MARK3: variants seen among roughly 807,000 people sequenced by gnomAD.
MARK3 encodes microtubule affinity regulating kinase 3.
Under a neutral mutation model 90.1 loss-of-function variants are expected in MARK3, and 46 were observed. The observed-to-expected ratio is 0.51, with a 90% CI of 0.40 to 0.65. The LOEUF is 0.65. Among genes scored for constraint, MARK3 ranks in the 30% least tolerant of loss-of-function variants. The pLI, the probability that MARK3 is intolerant of heterozygous loss-of-function variation, is 0.00. For synonymous variants in MARK3, 321 were observed against 332.6 expected, an observed-to-expected ratio of 0.97 and a Z score of 0.38; for missense variants, 818 against 947.2, an observed-to-expected ratio of 0.86 and a Z score of 1.79.
At chr14:103,439,910 A>G (rs2092809112) in intron 3 of MARK3, among the ~76,000 whole-genome samples, 2 of 148,432 alleles carry the variant, frequency 1.3e-5, no homozygotes, top group African/African-American at 5.0e-5. Flanking sequence ...TCAGCTTCCA[A>G]AGTATCTGGG....
Position 103,468,137 on chromosome 14 carries a change from G to T in MARK3, c.1215G>T (p.Val405=), listed in dbSNP as rs750617665. 3.8e-5 allele frequency: 61 copies of T among 1,613,784 alleles called. No individual in the cohort carries two copies. The highest frequency in any genetic ancestry group is 5.2e-5 in the Non-Finnish European group (61 of 1,179,964). ...NSTGQSPHHK[V]QRSVSSSQKQ... The stretch of plus-strand genomic sequence containing the variant: ...CTGGCCAGTCTCCTCACCACAAAGT[G>T]CAGAGAAGTGTTTCTTCAAGCCAAA... Residue 405 remains valine (V), a synonymous_variant, in exon 12 of 18, where the codon GTG becomes GTT. Coordinates refer to ENST00000429436, the MANE Select transcript of MARK3 (RefSeq NM_001128918.3).
chr14:103,491,092 A>T (rs766518510), intron 14 of MARK3: 1 of 1,275,426 alleles, frequency 7.8e-7, no homozygotes, highest in Non-Finnish European at 1.0e-6. Flanking sequence ...AGTGAAGGAG[A>T]TAACTTCAAG....
Position 103,503,185 on chromosome 14 carries a change from C to T in MARK3, c.2220C>T (p.Phe740=). Reference sequence around the variant, plus strand: ...GGATATCGGGGACATCCATAGCCTTCAAAAATATTGCTTCCAAAATTGCCA... The same window carrying T: ...GGATATCGGGGACATCCATAGCCTTTAAAAATATTGCTTCCAAAATTGCCA... ...FKRISGTSIA[F]KNIASKIANE... The change falls in exon 18 of 18, where the codon TTC becomes TTT. Residue 740 remains phenylalanine (F), a synonymous_variant. Transcript: ENST00000429436. 1 of 1,611,968 alleles carries T rather than the reference C, an allele frequency of 6.2e-7. No individual in the cohort carries two copies. The highest frequency in any genetic ancestry group is 2.2e-5 in the East Asian group (1 of 44,820).
At chr14:103,416,229 C>T (rs193057275) in intron 2 of MARK3, among the ~76,000 whole-genome samples, 5 of 152,122 alleles carry the variant, frequency 3.3e-5, no homozygotes, top group Non-Finnish European at 5.9e-5. Flanking sequence ...AAGAGAGAAT[C>T]GGTGAGTATA....
chr14:103,492,000 C>T lies in MARK3; in HGVS notation c.1810C>T (p.Leu604Phe). Residue 604 changes from leucine to phenylalanine, a missense_variant, in exon 15 of 18, where the codon CTC becomes TTC. Leu to Phe is a conservative substitution (Grantham distance 22). This residue lies in a region of MARK3 where 560 missense variants were observed against 613.5 expected (regional missense o/e 0.91). Transcript: ENST00000429436. Reference sequence around the variant, plus strand: ...GACTCGAAGCCGAGGCTCCACTAATCTCTTTAGTAAATTAACTTCAAAACT... The same window carrying T: ...GACTCGAAGCCGAGGCTCCACTAATTTCTTTAGTAAATTAACTTCAAAACT... ...SQTRSRGSTN[L>F]FSKLTSKLTR... is the part of the protein sequence containing the mutation. 6.2e-7 allele frequency: 1 copy of T among 1,614,210 alleles called. No homozygotes were observed. Among genetic ancestry groups the T allele is most frequent in the Non-Finnish European group, 8.5e-7 (1 of 1,180,034 alleles).
chr14:103,494,544 CAAAAAAA>C (rs35133138), intron 15 of MARK3, among the ~76,000 whole-genome samples: 1 of 84,622 alleles, frequency 1.2e-5, no homozygotes, highest in Admixed American at 1.5e-4. Flanking sequence ...AACTCTGTCT[CAAAAAAA>C]AAAAAAAAAA....
At chr14:103,411,269 G>A (rs551201707) in intron 2 of MARK3, among the ~76,000 whole-genome samples, 1 of 152,246 alleles carries the variant, frequency 6.6e-6, no homozygotes, top group African/African-American at 2.4e-5. Context: ...GTGAGACTCC[G>A]TCTCGAAAAA....
At chr14:103,494,058 A>G (rs1255646052) in intron 15 of MARK3, among the ~76,000 whole-genome samples, 1 of 149,788 alleles carries the variant, frequency 6.7e-6, no homozygotes, top group Non-Finnish European at 1.5e-5. Context: ...ACATGGCAAA[A>G]CCCCATCTCT....
In MARK3 at chr14:103,503,029, C is replaced by A. The variant is rs543183742; in HGVS notation, c.2064C>A (p.Cys688Ter). Residue 688 changes from cysteine to a stop codon, truncating the protein, a stop_gained, in exon 18 of 18, where the codon TGC becomes TGA. Coordinates refer to ENST00000429436, the MANE Select transcript of MARK3 (RefSeq NM_001128918.3). LOFTEE classifies it high-confidence loss of function. ...GCAAAGTGTTGGACGCCAATAACTGCGACTATGAGCAGAGGGAGCGCTTCT... is the reference window on the plus strand; with the variant it reads ...GCAAAGTGTTGGACGCCAATAACTGAGACTATGAGCAGAGGGAGCGCTTCT... ...EIRKVLDANN[C>*]DYEQRERFLL... is the part of the protein sequence containing the mutation. 1 of 1,614,106 alleles carries A rather than the reference C, an allele frequency of 6.2e-7. No individual in the cohort carries two copies. Among genetic ancestry groups the A allele is most frequent in the African/African-American group, 1.3e-5 (1 of 74,918 alleles).
chr14:103,423,198 G>GTTTTTTTTTTTT (rs1418393541), intron 2 of MARK3, among the ~76,000 whole-genome samples: 31 of 8,342 alleles, frequency 3.7e-3, no homozygotes, highest in East Asian at 0.015. Flanking sequence ...AGGACTTGCA[G>GTTTTTTTTTTTT]TCTTTTTTTT....
intron 3 of MARK3, among the ~76,000 whole-genome samples, chr14:103,435,993 T>C (rs914177636): frequency 1.3e-5 from 2 of 151,318 alleles, no homozygotes; most frequent in African/African-American, 4.9e-5. Flanking sequence ...CGAGTTCAAG[T>C]GATTCTCCTG....
chr14:103,467,211 G>A lies in MARK3; in HGVS notation c.1110+20G>A, dbSNP rs182204530. The A allele has an allele frequency of 5.1e-6, 6 of 1,168,558 alleles. No individual in the cohort carries two copies. Among genetic ancestry groups the A allele is most frequent in the East Asian group, 2.4e-5 (1 of 41,948 alleles). 72.4% of individuals were successfully genotyped at this position (1,168,558 alleles called of 1,614,324 possible). ...TCAGAGGTAAGAGTAATCAGAAAGA[G>A]CTGAAATACCCTGTATGTAATTATT... On this transcript the variant is annotated intron_variant, in intron 11 of 17. Transcript: ENST00000429436.
At chr14:103,427,272 G>A (rs978033242) in intron 2 of MARK3, among the ~76,000 whole-genome samples, 2 of 151,562 alleles carry the variant, frequency 1.3e-5, no homozygotes, top group African/African-American at 4.8e-5. Flanking sequence ...GGCCGAGGCA[G>A]GTGGATCACC....
intron 13 of MARK3, among the ~76,000 whole-genome samples, chr14:103,478,574 C>A (rs1378690910): frequency 6.8e-6 from 1 of 147,364 alleles, no homozygotes; most frequent in Non-Finnish European, 1.5e-5. Context: ...GATGGCATTT[C>A]GCTCCTGTTG....
chr14:103,402,680 G>A (rs2091035688), intron 1 of MARK3, among the ~76,000 whole-genome samples: 1 of 152,154 alleles, frequency 6.6e-6, no homozygotes, highest in Non-Finnish European at 1.5e-5. Flanking sequence ...ATAAAACGTA[G>A]AGATGAATCT....
At chr14:103,460,165 A>C (rs1487483654) in intron 6 of MARK3, among the ~76,000 whole-genome samples, 8 of 127,690 alleles carry the variant, frequency 6.3e-5, no homozygotes, top group South Asian at 2.6e-4. Flanking sequence ...GGCTCACTGC[A>C]AGCTCCGCCC....
At chr14:103,459,504 G>A (rs2093350165) in intron 6 of MARK3, among the ~76,000 whole-genome samples, 1 of 151,754 alleles carries the variant, frequency 6.6e-6, no homozygotes, top group Admixed American at 6.6e-5. Flanking sequence ...TGGTTTCTTT[G>A]TTTTTTCGTT....
chr14:103,402,376 A>C (rs914668513), intron 1 of MARK3, among the ~76,000 whole-genome samples: 11 of 152,048 alleles, frequency 7.2e-5, no homozygotes, highest in Non-Finnish European at 1.6e-4. Flanking sequence ...AACATAGTGA[A>C]ACCCTGTCTC....
chr14:103,492,325 G>A (rs1400162595), intron 15 of MARK3, among the ~76,000 whole-genome samples: 1 of 152,094 alleles, frequency 6.6e-6, no homozygotes, highest in Non-Finnish European at 1.5e-5. Flanking sequence ...CATGTTCGTT[G>A]TTGTTGAGCA....
Sources: allele counts gnomAD v4.1 joint callset (sites outside exome capture counted in the v4.1 genomes callset), GRCh38; gene constraint gnomAD v4.1.1; regional missense constraint gnomAD v4.1.1; transcripts MANE v1.5; gene names NCBI Gene and HGNC (gene_info 2026-07-23, HGNC 2026-07-21).